Variants in EEFSEC observed in about 807,000 individuals in gnomAD.
EEFSEC encodes selenocysteine-specific elongation factor.
Under a neutral mutation model 42.1 loss-of-function variants are expected in EEFSEC, and 43 were observed. The ratio of observed to expected loss-of-function variants is 1.02; its 90% CI spans 0.80 to 1.32. EEFSEC has a LOEUF of 1.32. Among genes scored for constraint, EEFSEC ranks in the 40% most tolerant of loss-of-function variants. The pLI, the probability that EEFSEC is intolerant of heterozygous loss-of-function variation, is 0.00. For missense variants in EEFSEC, 745 were observed against 803.6 expected (o/e 0.93, Z 0.88); for synonymous variants, 354 against 339.1 (o/e 1.04, Z -0.48).
intron 4 of EEFSEC, among the ~76,000 whole-genome samples, chr3:128,280,053 G>C (rs941214811): frequency 2.6e-5 from 4 of 152,226 alleles, no homozygotes; most frequent in Admixed American, 2.0e-4. Flanking sequence ...TGTCAGTCAT[G>C]TTCCTGGGCC....
chr3:128,287,640 C>T (rs1004784687), intron 4 of EEFSEC, among the ~76,000 whole-genome samples: 1 of 152,212 alleles, frequency 6.6e-6, no homozygotes, highest in African/African-American at 2.4e-5. Context: ...TTTGGGAAAG[C>T]CCATAGGCCA....
chr3:128,252,311 A>G (rs1415331741), intron 2 of EEFSEC, among the ~76,000 whole-genome samples: 1 of 152,148 alleles, frequency 6.6e-6, no homozygotes, highest in Non-Finnish European at 1.5e-5. Flanking sequence ...GTGGCTGACT[A>G]ACTGTGTGTG....
At chr3:128,268,113 C>G (rs1401748354) in intron 4 of EEFSEC, among the ~76,000 whole-genome samples, 1 of 152,238 alleles carries the variant, frequency 6.6e-6, no homozygotes, top group Non-Finnish European at 1.5e-5. Flanking sequence ...AGAGGTCAGT[C>G]TCAGGTATTG....
intron 5 of EEFSEC, among the ~76,000 whole-genome samples, chr3:128,346,471 G>A (rs540565494): frequency 2.6e-5 from 4 of 152,074 alleles, no homozygotes; most frequent in African/African-American, 9.7e-5. Context: ...TGGGAATATC[G>A]TGATGTCAGT....
Position 128,392,838 on chromosome 3 carries a change from C to T in EEFSEC, c.1601-15231C>T, listed in dbSNP as rs141084452. Among the ~76,000 whole-genome samples, 694 of 152,354 alleles carry T rather than the reference C, an allele frequency of 4.6e-3. 6 individuals carry two copies. Among genetic ancestry groups the T allele is most frequent in the African/African-American group, 0.016 (650 of 41,586 alleles). On this transcript the variant is annotated intron_variant, in intron 6 of 6. Coordinates refer to ENST00000254730, the MANE Select transcript of EEFSEC (RefSeq NM_021937.5). ...CTAGGCTCGCTGTCTGCTGGCTCCACGTGCCCTCGGGCTGGTGTGGGGCAC... is the reference window on the plus strand; with the variant it reads ...CTAGGCTCGCTGTCTGCTGGCTCCATGTGCCCTCGGGCTGGTGTGGGGCAC...
intron 4 of EEFSEC, among the ~76,000 whole-genome samples, chr3:128,303,718 T>A (rs2066795445): frequency 6.6e-6 from 1 of 152,234 alleles, no homozygotes; most frequent in Admixed American, 6.5e-5. Context: ...CAGAGACTAA[T>A]TTGTCATTCT....
intron 4 of EEFSEC, among the ~76,000 whole-genome samples, chr3:128,293,746 G>A (rs999798393): frequency 1.3e-5 from 2 of 150,740 alleles, no homozygotes; most frequent in African/African-American, 4.9e-5. Flanking sequence ...TGCTGCCTTA[G>A]AATGCCCTTT....
At chr3:128,216,136 C>T (rs1014852197) in intron 1 of EEFSEC, among the ~76,000 whole-genome samples, 6 of 152,178 alleles carry the variant, frequency 3.9e-5, no homozygotes, top group Non-Finnish European at 7.3e-5. Flanking sequence ...ATCCACCAGT[C>T]TTCATTTCAA....
chr3:128,259,944 A>C (rs1257306455), intron 2 of EEFSEC, among the ~76,000 whole-genome samples: 5 of 152,020 alleles, frequency 3.3e-5, no homozygotes, highest in Non-Finnish European at 7.4e-5. Flanking sequence ...AGATGTTTCT[A>C]CTTTTTGGCT....
chr3:128,373,818 C>T (rs1329961658), intron 6 of EEFSEC, among the ~76,000 whole-genome samples: 1 of 152,186 alleles, frequency 6.6e-6, no homozygotes, highest in African/African-American at 2.4e-5. Context: ...AGCCAATTCT[C>T]ACCCATAAAA....
At chr3:128,279,620 C>T (rs796879475) in intron 4 of EEFSEC, among the ~76,000 whole-genome samples, 7 of 152,316 alleles carry the variant, frequency 4.6e-5, no homozygotes, top group African/African-American at 1.7e-4. Flanking sequence ...TCCCATGAAG[C>T]AGGCAGCCAT....
At chr3:128,244,696 G>A (rs1050674320) in intron 1 of EEFSEC, among the ~76,000 whole-genome samples, 1 of 152,200 alleles carries the variant, frequency 6.6e-6, no homozygotes, top group Non-Finnish European at 1.5e-5. Context: ...CAAGTCATTA[G>A]TTTCTTTTGC....
rs929955668 is a variant in EEFSEC, at chr3:128,226,625, T to G, written c.317-20211T>G. On this transcript the variant is annotated intron_variant, in intron 1 of 6. Transcript: ENST00000254730. ...CCAGTTGCTAAATTCCCCTCTTCTA[T>G]GCTTGCTTAGCAGAAACTTCTCATT... Among the ~76,000 whole-genome samples, 5 of 152,314 alleles carry G rather than the reference T, an allele frequency of 3.3e-5. No individual in the cohort carries two copies. The East Asian group carries it at 9.6e-4, about 29-fold the overall frequency.
intron 4 of EEFSEC, among the ~76,000 whole-genome samples, chr3:128,334,081 C>T (rs963615999): frequency 6.6e-6 from 1 of 152,226 alleles, no homozygotes; most frequent in African/African-American, 2.4e-5. Flanking sequence ...GAGAGGGCTG[C>T]TGCTGACCTT....
intron 1 of EEFSEC, among the ~76,000 whole-genome samples, chr3:128,242,404 T>C (rs1230592461): frequency 2.0e-5 from 3 of 152,242 alleles, no homozygotes; most frequent in African/African-American, 7.2e-5. Context: ...CATGTACCCC[T>C]GAACTTAAAA....
At chr3:128,184,726 T>G (rs2107795229) in intron 1 of EEFSEC, among the ~76,000 whole-genome samples, 1 of 152,356 alleles carries the variant, frequency 6.6e-6, no homozygotes, top group Non-Finnish European at 1.5e-5. Context: ...GAAGGACATT[T>G]TTTTTCCTTA....
intron 1 of EEFSEC, among the ~76,000 whole-genome samples, chr3:128,190,028 A>T (rs931136444): frequency 1.3e-5 from 2 of 151,030 alleles, no homozygotes. Flanking sequence ...ATGCCTGGCA[A>T]ATTTTCTGTA....
At chr3:128,411,377 G>A (rs915230445), downstream of EEFSEC, among the ~76,000 whole-genome samples, 1 of 152,350 alleles carries the variant, frequency 6.6e-6, no homozygotes, top group South Asian at 2.1e-4. Flanking sequence ...GCAGCATGCC[G>A]GTTTCCCAGG....
At chr3:128,208,215 A>G (rs958191681) in intron 1 of EEFSEC, among the ~76,000 whole-genome samples, 10 of 152,168 alleles carry the variant, frequency 6.6e-5, no homozygotes, top group African/African-American at 2.4e-4. Context: ...TAAGTGGCGG[A>G]TGGTTGGACG....
Sources: allele counts gnomAD v4.1 joint callset (sites outside exome capture counted in the v4.1 genomes callset), GRCh38; gene constraint gnomAD v4.1.1; transcripts MANE v1.5; gene names NCBI Gene and HGNC (gene_info 2026-07-23, HGNC 2026-07-21).